The following NDST4 variants were observed in gnomAD, a reference collection of about 807,000 sequenced individuals.
NDST4 encodes N-deacetylase and N-sulfotransferase 4.
In NDST4, 63 loss-of-function variants were observed where a neutral mutation model predicts 100.8. The observed-to-expected ratio is 0.62, with a 90% confidence interval of 0.51 to 0.77. The LOEUF (loss-of-function observed/expected upper bound fraction) is 0.77. Ranked by LOEUF, NDST4 falls within the 30% of genes least tolerant of loss-of-function variation. The probability of loss-of-function intolerance (pLI) is 0.00; values close to 1 mark genes in which losing one functional copy is unlikely to be tolerated. For synonymous variants in NDST4, 377 were observed against 361.8 expected, an observed-to-expected ratio of 1.04 and a Z score of -0.48; for missense variants, 943 against 1,018.4, an observed-to-expected ratio of 0.93 and a Z score of 1.01.
intron 11 of NDST4, among the ~76,000 whole-genome samples, chr4:114,835,740 G>A (rs908765487): frequency 1.3e-5 from 2 of 152,166 alleles, no homozygotes; most frequent in Non-Finnish European, 2.9e-5. Flanking sequence ...TATTGTGTGG[G>A]AGTCTAAGTC....
At chr4:115,061,852 T>C (rs1728831024) in intron 2 of NDST4, among the ~76,000 whole-genome samples, 1 of 152,068 alleles carries the variant, frequency 6.6e-6, no homozygotes, top group Non-Finnish European at 1.5e-5. Flanking sequence ...TAAAAAAGCA[T>C]GGCACACTTA....
chr4:114,854,296 A>G (rs1177035664), intron 7 of NDST4, among the ~76,000 whole-genome samples: 2 of 152,212 alleles, frequency 1.3e-5, no homozygotes, highest in African/African-American at 4.8e-5. Context: ...GGTGTTGAAA[A>G]TGACAAAATC....
chr4:115,098,866 A>C lies in NDST4; in HGVS notation c.-247+14578T>G, dbSNP rs1378126603. On this transcript the variant is annotated intron_variant, in intron 1 of 13. Coordinates refer to ENST00000264363, the MANE Select transcript of NDST4 (RefSeq NM_022569.3). ...AAGCATGTGCCACCACACCTTGCTA[A>C]TTTTTTTTATATACATATTTTGTAG... Among the ~76,000 whole-genome samples the C allele has an allele frequency of 2.6e-5, 4 of 151,948 alleles. No homozygotes were observed. The East Asian group carries it at 7.8e-4, about 30-fold the overall frequency.
intron 2 of NDST4, among the ~76,000 whole-genome samples, chr4:114,979,765 C>G (rs930196594): frequency 2.0e-5 from 3 of 151,610 alleles, no homozygotes; most frequent in African/African-American, 4.9e-5. Context: ...AAAAAAAGAG[C>G]TATCTAGTCA....
Position 114,980,788 on chromosome 4 carries a change from A to G in NDST4, c.979-3514T>C, listed in dbSNP as rs148195045. 2.4e-3 allele frequency among the ~76,000 whole-genome samples: 360 copies of G among 152,252 alleles called. 1 individual carries two copies. Among genetic ancestry groups the G allele is most frequent in the African/African-American group, 8.3e-3 (345 of 41,574 alleles). ...TTTTTTCTTTTACTGCTTATGAAGA[A>G]CTCACTAAGTTGATTGTATATTAAA... On this transcript the variant is annotated intron_variant, in intron 2 of 13. Coordinates refer to ENST00000264363, the MANE Select transcript of NDST4 (RefSeq NM_022569.3).
chr4:115,067,034 C>T (rs1407402600), intron 2 of NDST4, among the ~76,000 whole-genome samples: 1 of 152,216 alleles, frequency 6.6e-6, no homozygotes, highest in African/African-American at 2.4e-5. Context: ...TTGGTACCCT[C>T]TCTCCACTGT....
At chr4:114,869,321 A>G (rs1472658614) in intron 7 of NDST4, among the ~76,000 whole-genome samples, 1 of 151,944 alleles carries the variant, frequency 6.6e-6, no homozygotes, top group Non-Finnish European at 1.5e-5. Context: ...GATTCTTTCT[A>G]TGTAAGCTGT....
intron 2 of NDST4, among the ~76,000 whole-genome samples, chr4:115,056,643 A>C (rs1178854837): frequency 6.6e-6 from 1 of 152,048 alleles, no homozygotes; most frequent in African/African-American, 2.4e-5. Context: ...GAACCATCCA[A>C]CTTTTATTAG....
chr4:115,082,922 A>G (rs1216677426), intron 1 of NDST4, among the ~76,000 whole-genome samples: 1 of 152,146 alleles, frequency 6.6e-6, no homozygotes, highest in Non-Finnish European at 1.5e-5. Context: ...GTCTACCAAA[A>G]ATGGAGAAAA....
chr4:114,989,331 T>C lies in NDST4; in HGVS notation c.979-12057A>G, dbSNP rs138906808. Among the ~76,000 whole-genome samples the C allele has an allele frequency of 2.5e-3, 379 of 152,358 alleles. 1 individual carries two copies. Among genetic ancestry groups the C allele is most frequent in the African/African-American group, 8.8e-3 (364 of 41,584 alleles). On this transcript the variant is annotated intron_variant, in intron 2 of 13. Coordinates refer to ENST00000264363, the MANE Select transcript of NDST4 (RefSeq NM_022569.3). Reference sequence around the variant, plus strand: ...TTCTGTGACTGACATTATCTACCTTTGACATTATTTCTTTAATAAAGACAT... The same window carrying C: ...TTCTGTGACTGACATTATCTACCTTCGACATTATTTCTTTAATAAAGACAT...
At chr4:115,071,960 G>T (rs1729087698) in intron 2 of NDST4, among the ~76,000 whole-genome samples, 1 of 152,018 alleles carries the variant, frequency 6.6e-6, no homozygotes, top group Non-Finnish European at 1.5e-5. Context: ...TAATAGGTCT[G>T]AGGGAAATAT....
At chr4:114,867,665 C>CAAAAAAAAAAAAAAAAAAAAAAAACA in intron 7 of NDST4, among the ~76,000 whole-genome samples, 1 of 79,900 alleles carries the variant, frequency 1.3e-5, no homozygotes, top group Non-Finnish European at 2.3e-5. Flanking sequence ...AAAAAAAAAG[C>CAAAAAAAAAAAAAAAAAAAAAAAACA]AAAAAAAAAA....
chr4:115,030,205 A>G (rs962484985), intron 2 of NDST4, among the ~76,000 whole-genome samples: 4 of 152,130 alleles, frequency 2.6e-5, no homozygotes, highest in Non-Finnish European at 5.9e-5. Context: ...TTGTGAAAAT[A>G]TTCTGGCTTG....
chr4:114,899,190 T>G (rs555147533), intron 6 of NDST4, among the ~76,000 whole-genome samples: 1 of 152,262 alleles, frequency 6.6e-6, no homozygotes, highest in African/African-American at 2.4e-5. Flanking sequence ...TTTTTGTTTT[T>G]GTTTTTAGAT....
chr4:115,075,784 GAA>G (rs56658909), intron 2 of NDST4, among the ~76,000 whole-genome samples: 39 of 87,434 alleles, frequency 4.5e-4, no homozygotes, highest in Non-Finnish European at 6.6e-4. Context: ...AGTCTGTTCA[GAA>G]AAAAAAAAAA....
chr4:115,050,998 T>C (rs1728570424), intron 2 of NDST4, among the ~76,000 whole-genome samples: 1 of 152,120 alleles, frequency 6.6e-6, no homozygotes, highest in South Asian at 2.1e-4. Context: ...ATTTAGATTG[T>C]ATGCATTTTA....
rs1177485285 is a variant in NDST4 at position 114,889,736 on chromosome 4, A to G, written c.1537-18786T>C. ...CAGGGAGACAGCCTTGACTGGGGGG[A>G]GAAAAAGCACAGAGCTTAATATTAG... On this transcript the variant is annotated intron_variant, in intron 6 of 13. Transcript: ENST00000264363. 2.0e-5 allele frequency among the ~76,000 whole-genome samples: 3 copies of G among 152,132 alleles called. No individual in the cohort carries two copies. In the East Asian group the frequency reaches 5.8e-4, roughly 29 times the overall value.
At chr4:114,967,587 G>T (rs1324907877) in intron 4 of NDST4, among the ~76,000 whole-genome samples, 1 of 152,040 alleles carries the variant, frequency 6.6e-6, no homozygotes, top group Non-Finnish European at 1.5e-5. Flanking sequence ...TGAAGTGGGG[G>T]AAGTTTAAGA....
At chr4:114,925,568 T>C (rs553266929) in intron 6 of NDST4, among the ~76,000 whole-genome samples, 5 of 152,256 alleles carry the variant, frequency 3.3e-5, no homozygotes, top group African/African-American at 9.6e-5. Flanking sequence ...ACTAGGTATA[T>C]GAAAGTTCAG....
Sources: gnomAD v4.1 joint callset for allele counts (sites outside exome capture counted in the v4.1 genomes callset) on GRCh38, gnomAD v4.1.1 for gene constraint, MANE v1.5 for transcripts, NCBI Gene and HGNC (gene_info 2026-07-23, HGNC 2026-07-21) for gene names.